Variants in ALK observed in about 807,000 individuals in gnomAD.
ALK encodes the protein ALK tyrosine kinase receptor.
In ALK, 74 loss-of-function variants were observed where a neutral mutation model predicts 163.1. The observed-to-expected ratio is 0.45, with a 90% CI of 0.38 to 0.55. The LOEUF (loss-of-function observed/expected upper bound fraction) is 0.55, where lower values mean the gene tolerates loss of function less well. ALK is among the 20% of genes least tolerant of loss of function. The pLI, the probability that ALK is intolerant of heterozygous loss-of-function variation, is 0.00. For synonymous variants in ALK, 960 were observed against 843.2 expected, an observed-to-expected ratio of 1.14 and a Z score of -2.40; for missense variants, 2,063 against 2,105.3, an observed-to-expected ratio of 0.98 and a Z score of 0.39.
chr2:29,596,258 C>A (rs578209847), intron 3 of ALK, among the ~76,000 whole-genome samples: 35 of 152,320 alleles, frequency 2.3e-4, no homozygotes, highest in Admixed American at 1.7e-3. Context: ...ACACTTCTCC[C>A]TATATTCCTA....
At chr2:29,588,838 T>C (rs2148204811) in intron 3 of ALK, among the ~76,000 whole-genome samples, 1 of 152,358 alleles carries the variant, frequency 6.6e-6, no homozygotes, top group South Asian at 2.1e-4. Flanking sequence ...TGACTGTTTT[T>C]CCACCATTTA....
chr2:29,488,096 T>C (rs1412111976), intron 4 of ALK, among the ~76,000 whole-genome samples: 3 of 152,206 alleles, frequency 2.0e-5, no homozygotes, highest in African/African-American at 4.8e-5. Flanking sequence ...CTTAACTTCA[T>C]AGCAGCTGGG....
At position 29,694,938 on chromosome 2, in the gene ALK, C is replaced by G. The variant is rs1678509747; in HGVS notation, c.864G>C (p.Trp288Cys). ...CCTCGGAGGGGATGCGGCGCCAGGA[C>G]CAGCTCTGGTTCCTGAGGTCATGCA... ...PPLHDLRNQS[W>C]SWRRIPSEEA... Residue 288 changes from tryptophan (W) to cysteine (C), a missense_variant, in exon 3 of 29, where the codon TGG becomes TGC. This residue lies in a region of ALK where 987 missense variants were observed against 939.5 expected (regional missense o/e 1.05). Transcript: ENST00000389048. 2 of 1,614,144 alleles carry G rather than the reference C, an allele frequency of 1.2e-6. No homozygotes were observed. The highest frequency in any genetic ancestry group is 1.7e-6 in the Non-Finnish European group (2 of 1,180,004).
chr2:29,215,822 T>C (rs1669589170), intron 23 of ALK, among the ~76,000 whole-genome samples: 1 of 152,206 alleles, frequency 6.6e-6, no homozygotes, highest in South Asian at 2.1e-4. Context: ...GCTGGCCTCT[T>C]CCAGGCCATG....
intron 1 of ALK, among the ~76,000 whole-genome samples, chr2:29,753,712 C>A (rs1022421620): frequency 6.6e-6 from 1 of 152,196 alleles, no homozygotes; most frequent in Non-Finnish European, 1.5e-5. Context: ...GGGCAATTTC[C>A]AATTTCATCC....
intron 1 of ALK, among the ~76,000 whole-genome samples, chr2:29,865,011 T>C (rs1666394543): frequency 6.6e-6 from 1 of 152,362 alleles, no homozygotes; most frequent in East Asian, 1.9e-4. Context: ...AGCCACTTTC[T>C]GGCCTGATGC....
intron 3 of ALK, among the ~76,000 whole-genome samples, chr2:29,602,548 C>T (rs1675409045): frequency 6.6e-6 from 1 of 152,132 alleles, no homozygotes; most frequent in African/African-American, 2.4e-5. Flanking sequence ...TCTAGCATTA[C>T]CTAACAAGGT....
intron 5 of ALK, among the ~76,000 whole-genome samples, chr2:29,342,616 T>C (rs1043294702): frequency 2.0e-5 from 3 of 152,222 alleles, no homozygotes; most frequent in Non-Finnish European, 4.4e-5. Context: ...ATTTGAAAGA[T>C]GACTGATTAT....
chr2:29,532,102 G>A lies in ALK; in HGVS notation c.967C>T (p.Leu323Phe), dbSNP rs1403569967. Residue 323 changes from leucine to phenylalanine, a missense_variant, in exon 4 of 29, where the codon CTC becomes TTC. Around this residue, in one of 5 missense-constraint regions of ALK, gnomAD observed 987 missense variants for 939.5 expected, o/e 1.05. Transcript: ENST00000389048. The part of the protein sequence containing the change: ...KEMPRGSFLL[L>F]NTSADSKHTI... The stretch of plus-strand genomic sequence containing the variant: ...TGCTTGGAGTCAGCTGAGGTGTTGA[G>A]AAGGAGAAAGGAGCCTGGAAAGAGA... 1 of 1,614,068 alleles carries A rather than the reference G, an allele frequency of 6.2e-7. No homozygotes were observed. Among genetic ancestry groups the A allele is most frequent in the Non-Finnish European group, 8.5e-7 (1 of 1,180,006 alleles).
Position 29,717,007 on chromosome 2 carries a change from A to C in ALK, c.787+571T>G, listed in dbSNP as rs1289788296. Among the ~76,000 whole-genome samples the C allele has an allele frequency of 4.2e-3, 628 of 149,172 alleles. 13 individuals are homozygous for C. Among genetic ancestry groups the C allele is most frequent in the African/African-American group, 0.014 (565 of 40,794 alleles). On this transcript the variant is annotated intron_variant, in intron 2 of 28. Coordinates refer to ENST00000389048, the MANE Select transcript of ALK (RefSeq NM_004304.5). Reference sequence around the variant, plus strand: ...GTCTACCAAAAATCCAAAAAAAAAAAAAAAAAAAAAAAAAATTAGCCAGGC... The same window carrying C: ...GTCTACCAAAAATCCAAAAAAAAAACAAAAAAAAAAAAAAATTAGCCAGGC...
rs148166249 is a variant in ALK at position 29,735,465 on chromosome 2, T to C, written c.668-17768A>G. 2.0e-5 allele frequency among the ~76,000 whole-genome samples: 3 copies of C among 152,176 alleles called. No homozygotes were observed. The East Asian group carries it at 5.8e-4, about 29-fold the overall frequency. On this transcript the variant is annotated intron_variant, in intron 1 of 28. Coordinates refer to ENST00000389048, the MANE Select transcript of ALK (RefSeq NM_004304.5). Reference sequence around the variant, plus strand: ...ATGATTTAGAAAATAATAGTAATAGTAGTAGTAAGAGTAGTAGTAATAATA... The same window carrying C: ...ATGATTTAGAAAATAATAGTAATAGCAGTAGTAAGAGTAGTAGTAATAATA...
chr2:29,220,122 T>C (rs191234277), intron 23 of ALK, among the ~76,000 whole-genome samples: 53 of 152,288 alleles, frequency 3.5e-4, no homozygotes, highest in African/African-American at 1.2e-3. Flanking sequence ...TGGATTTGTG[T>C]CCCTGCCCAA....
intron 4 of ALK, among the ~76,000 whole-genome samples, chr2:29,517,088 A>T (rs13400494): frequency 0.028 from 4,248 of 152,306 alleles, 218 homozygotes; most frequent in African/African-American, 0.098. Flanking sequence ...GGACCCCACA[A>T]TGAAAGTTCA....
intron 4 of ALK, among the ~76,000 whole-genome samples, chr2:29,477,608 T>G (rs974009070): frequency 1.3e-5 from 2 of 152,200 alleles, no homozygotes; most frequent in African/African-American, 2.4e-5. Flanking sequence ...AGATGGCTTC[T>G]CAGTGGTCCC....
intron 4 of ALK, among the ~76,000 whole-genome samples, chr2:29,405,564 G>A (rs1291103317): frequency 6.6e-6 from 1 of 152,158 alleles, no homozygotes; most frequent in Non-Finnish European, 1.5e-5. Flanking sequence ...GTATCAAGGT[G>A]CCACTGTGCA....
At chr2:29,279,629 C>T (rs139781338) in intron 9 of ALK, among the ~76,000 whole-genome samples, 97 of 152,290 alleles carry the variant, frequency 6.4e-4, no homozygotes, top group Non-Finnish European at 1.0e-3. Flanking sequence ...TTCAGGTTTC[C>T]CTACTTTCGA....
At chr2:29,600,422 G>A (rs1334414171) in intron 3 of ALK, among the ~76,000 whole-genome samples, 1 of 152,186 alleles carries the variant, frequency 6.6e-6, no homozygotes, top group Non-Finnish European at 1.5e-5. Flanking sequence ...GGTTATCAAA[G>A]AGAAAACACA....
At chr2:29,392,645 T>C (rs1669202628) in intron 4 of ALK, among the ~76,000 whole-genome samples, 1 of 152,148 alleles carries the variant, frequency 6.6e-6, no homozygotes, top group African/African-American at 2.4e-5. Context: ...GGCCAGAAGG[T>C]AGGAGACGAA....
chr2:29,208,335 G>GGTAACTTA (rs1457890796), intron 25 of ALK, among the ~76,000 whole-genome samples: 1 of 152,162 alleles, frequency 6.6e-6, no homozygotes. Flanking sequence ...AAGGACTGTA[G>GGTAACTTA]GTAACTTAGG....
Sources: gnomAD v4.1 joint callset for allele counts (sites outside exome capture counted in the v4.1 genomes callset) on GRCh38, gnomAD v4.1.1 for gene constraint, gnomAD v4.1.1 regional missense constraint, MANE v1.5 for transcripts, NCBI Gene and HGNC (gene_info 2026-07-23, HGNC 2026-07-21) for gene names.